MOB2: variants seen among roughly 807,000 people sequenced by gnomAD.
MOB2 encodes MOB2 Mps One Binder homolog.
Under a neutral mutation model 27.4 loss-of-function variants are expected in MOB2, and 14 were observed. The ratio of observed to expected loss-of-function variants is 0.51; its 90% confidence interval spans 0.34 to 0.80. The LOEUF is 0.80. Among genes scored for constraint, MOB2 ranks in the 30% least tolerant of loss-of-function variants. MOB2 has a pLI of 0.01. For synonymous variants in MOB2, 167 were observed against 151.8 expected (o/e 1.10, Z -0.74); for missense variants, 304 against 354.6 (o/e 0.86, Z 1.15).
Position 1,486,574 on chromosome 11 carries a change from G to A in MOB2, c.-18C>T. The A allele has an allele frequency of 1.3e-6, 2 of 1,514,004 alleles. No homozygotes were observed. The highest frequency in any genetic ancestry group is 1.8e-6 in the Non-Finnish European group (2 of 1,127,300). 93.8% of individuals were successfully genotyped at this position (1,514,004 alleles called of 1,614,324 possible). A position where few individuals can be genotyped will look rare whatever the true frequency, so the allele number is the denominator to read the frequency against. On this transcript the variant is annotated 5_prime_UTR_variant, in exon 1 of 5. Coordinates refer to ENST00000329957, the MANE Select transcript of MOB2 (RefSeq NM_001172223.3). ...CCCAGCATGAGTGGGCGACGGGAAG[G>A]TGGGGAGGAGAAGCGGGGCGGGGTG...
chr11:1,469,930 T>C lies in MOB2; in HGVS notation c.*242A>G. ...AAGCATCAGTCCCATGCGTGTCTGC[T>C]GAACGAGTGAATGGGCCCAAAGGCT... On this transcript the variant is annotated 3_prime_UTR_variant, in exon 5 of 5. Transcript: ENST00000329957. 1.1e-6 allele frequency: 1 copy of C among 919,330 alleles called. No homozygotes were observed. The highest frequency in any genetic ancestry group is 1.7e-6 in the Non-Finnish European group (1 of 585,344). The allele number at this position is 919,330 out of a possible 1,614,324, so 56.9% of individuals were successfully genotyped here.
chr11:1,475,281 ATAT>A (rs1379889469), intron 3 of MOB2, among the ~76,000 whole-genome samples: 3 of 151,738 alleles, frequency 2.0e-5, no homozygotes, highest in South Asian at 4.2e-4. Context: ...CACTAAATTT[ATAT>A]TATTATTTGC....
intron 1 of MOB2, among the ~76,000 whole-genome samples, chr11:1,485,709 C>G (rs1166046264): frequency 6.6e-6 from 1 of 152,102 alleles, no homozygotes. Context: ...ACTCCCCCGG[C>G]CCCTCATGCC....
At chr11:1,482,486 G>C (rs1847925702) in intron 1 of MOB2, among the ~76,000 whole-genome samples, 1 of 152,208 alleles carries the variant, frequency 6.6e-6, no homozygotes, top group Non-Finnish European at 1.5e-5. Flanking sequence ...CTCTGGCTGT[G>C]GTCAGGAGGT....
chr11:1,480,661 T>C, intron 2 of MOB2, 64 bp downstream of exon 2: 5 of 1,570,874 alleles, frequency 3.2e-6, no homozygotes, highest in Non-Finnish European at 4.3e-6. Flanking sequence ...GGGTCCCCCT[T>C]GAGGAGGGGC....
chr11:1,480,592 G>A (rs1220368290), intron 2 of MOB2, 106 bp from the exon 3 acceptor site: 3 of 1,525,240 alleles, frequency 2.0e-6, no homozygotes, highest in Non-Finnish European at 1.8e-6. Flanking sequence ...GGTGAGCTCT[G>A]CCCGTCCACG....
intron 4 of MOB2, 150 bp from the exon 5 acceptor site, chr11:1,470,638 C>T: frequency 1.1e-6 from 1 of 936,066 alleles, no homozygotes; most frequent in Non-Finnish European, 1.6e-6. Context: ...GCAGCAACAG[C>T]TTCTGCCCAT....
chr11:1,475,728 T>G (rs1286598171), intron 3 of MOB2, among the ~76,000 whole-genome samples: 13 of 152,184 alleles, frequency 8.5e-5, no homozygotes, highest in Non-Finnish European at 1.5e-4. Flanking sequence ...CACCCACAGA[T>G]CCAAGTACTC....
Position 1,470,487 on chromosome 11 carries a change from G to A in MOB2, c.492C>T (p.Gly164=). Residue 164 remains glycine (G), a splice_region_variant and synonymous_variant, in exon 5 of 5, where the codon GGC becomes GGT. Coordinates refer to ENST00000329957, the MANE Select transcript of MOB2 (RefSeq NM_001172223.3). ...TDEDVFPTKY[G]REFPSSFESL... ...ACTCAAAGGAGCTGGGGAATTCTCTGCCTGGGGAAGGCCACCGTGTCACAA... is the reference window on the plus strand; with the variant it reads ...ACTCAAAGGAGCTGGGGAATTCTCTACCTGGGGAAGGCCACCGTGTCACAA... 6.2e-7 allele frequency: 1 copy of A among 1,610,048 alleles called. No homozygotes were observed. The highest frequency in any genetic ancestry group is 8.5e-7 in the Non-Finnish European group (1 of 1,177,432).
chr11:1,486,033 C>A (rs949732847), intron 1 of MOB2, among the ~76,000 whole-genome samples: 1 of 152,232 alleles, frequency 6.6e-6, no homozygotes, highest in African/African-American at 2.4e-5. Flanking sequence ...AACAGCCGCA[C>A]GCTGGGACAA....
intron 1 of MOB2, among the ~76,000 whole-genome samples, chr11:1,485,196 C>G (rs1025579875): frequency 6.6e-6 from 1 of 152,198 alleles, no homozygotes; most frequent in Non-Finnish European, 1.5e-5. Context: ...GGACTCCGCC[C>G]GTCTTCCTTA....
Position 1,469,857 on chromosome 11 carries a change from G to T in MOB2, c.*315C>A, listed in dbSNP as rs1402503651. ...GCCAGCAGCACCCGAGGGAGGGCAG[G>T]GGCTGCACGGAGACCAGAGAAAGGA... On this transcript the variant is annotated 3_prime_UTR_variant, in exon 5 of 5. Coordinates refer to ENST00000329957, the MANE Select transcript of MOB2 (RefSeq NM_001172223.3). The T allele has an allele frequency of 1.6e-6, 1 of 626,242 alleles. No individual in the cohort carries two copies. Among genetic ancestry groups the T allele is most frequent in the Non-Finnish European group, 2.9e-6 (1 of 340,632 alleles). 38.8% of individuals were successfully genotyped at this position (626,242 alleles called of 1,614,324 possible).
rs368367523 is a variant in MOB2, at chr11:1,480,467, G to A, written c.291C>T (p.His97=). Residue 97 remains histidine, a synonymous_variant, in exon 3 of 5, where the codon CAC becomes CAT. Transcript: ENST00000329957. ...LASNTTTFFH[H]INLQYSTISE... ...AGATGGTGCTATACTGCAGGTTGAT[G>A]TGGTGGAAAAACGTCGTGGCTGGAA... The A allele has an allele frequency of 9.9e-6, 16 of 1,613,718 alleles. No homozygotes were observed. The highest frequency in any genetic ancestry group is 1.4e-5 in the Non-Finnish European group (16 of 1,179,866).
At chr11:1,473,836 C>T (rs556901585) in intron 3 of MOB2, among the ~76,000 whole-genome samples, 134 of 152,382 alleles carry the variant, frequency 8.8e-4, no homozygotes, top group African/African-American at 2.9e-3. Context: ...CCCTCACACC[C>T]GTGCTGCTGT....
At chr11:1,483,924 G>T (rs1182710430) in intron 1 of MOB2, among the ~76,000 whole-genome samples, 6 of 152,210 alleles carry the variant, frequency 3.9e-5, no homozygotes, top group African/African-American at 2.4e-5. Flanking sequence ...CACACAGGGG[G>T]TCTCACCCTG....
chr11:1,470,252 C>T lies in MOB2; in HGVS notation c.727G>A (p.Gly243Ser), dbSNP rs542771234. The change falls in exon 5 of 5, where the codon GGC becomes AGC. Residue 243 changes from glycine (G) to serine (S), a missense_variant. Coordinates refer to ENST00000329957, the MANE Select transcript of MOB2 (RefSeq NM_001172223.3). ...DLTEVLCSGAGGVHSGGSGDG... is the reference protein window; with the variant it reads ...DLTEVLCSGASGVHSGGSGDG... ...CCACTGCCCCCACTGTGGACCCCGC[C>T]GGCCCCGCTGCATAGCACCTCGGTG... 2.7e-5 allele frequency: 43 copies of T among 1,612,696 alleles called. No individual in the cohort carries two copies. Among genetic ancestry groups the T allele is most frequent in the East Asian group, 4.5e-5 (2 of 44,876 alleles).
chr11:1,479,296 C>T (rs1396800340), intron 3 of MOB2, among the ~76,000 whole-genome samples: 2 of 152,342 alleles, frequency 1.3e-5, no homozygotes, highest in East Asian at 1.9e-4. Flanking sequence ...TCGGGTGCTG[C>T]CCTGCCACCT....
chr11:1,484,585 G>A (rs1002253994), intron 1 of MOB2, among the ~76,000 whole-genome samples: 2 of 152,068 alleles, frequency 1.3e-5, no homozygotes, highest in Non-Finnish European at 2.9e-5. Context: ...CAGGGTGCAC[G>A]CCACGGGCAC....
chr11:1,483,654 T>A (rs1370668313), intron 1 of MOB2, among the ~76,000 whole-genome samples: 3 of 152,210 alleles, frequency 2.0e-5, no homozygotes, highest in Non-Finnish European at 4.4e-5. Flanking sequence ...GCTGCTGCTC[T>A]GCCAACTTGC....
Sources: gnomAD v4.1 joint callset for allele counts (sites outside exome capture counted in the v4.1 genomes callset) on GRCh38, gnomAD v4.1.1 for gene constraint, MANE v1.5 for transcripts, NCBI Gene and HGNC (gene_info 2026-07-23, HGNC 2026-07-21) for gene names.